CPNE2: variants seen among roughly 807,000 people sequenced by gnomAD.
The protein encoded by CPNE2 is copine-2.
CPNE2 carries 42 observed loss-of-function variants against 69.7 expected under a neutral mutation model. The ratio of observed to expected loss-of-function variants is 0.60; its 90% CI spans 0.47 to 0.78. The LOEUF (loss-of-function observed/expected upper bound fraction) is 0.78. Ranked by LOEUF, CPNE2 falls within the 30% of genes least tolerant of loss-of-function variation. The pLI, the probability that CPNE2 is intolerant of heterozygous loss-of-function variation, is 0.00. For synonymous variants in CPNE2, 294 were observed against 289.8 expected (o/e 1.01, Z -0.15); for missense variants, 587 against 732.0 (o/e 0.80, Z 2.29).
chr16:57,114,977 C>T (rs1157135689), intron 3 of CPNE2, among the ~76,000 whole-genome samples: 1 of 133,754 alleles, frequency 7.5e-6, no homozygotes, highest in Non-Finnish European at 1.5e-5. Context: ...CGTGGTGATG[C>T]ATGCCTGTAG....
At chr16:57,113,529 C>T in intron 3 of CPNE2, 62 bp downstream of exon 3, 1 of 1,524,746 alleles carries the variant, frequency 6.6e-7, no homozygotes, top group Non-Finnish European at 8.9e-7. Context: ...CTCAAAAAGT[C>T]TCTTCTCGTG....
intron 13 of CPNE2, among the ~76,000 whole-genome samples, chr16:57,135,274 G>A (rs1263708310): frequency 7.4e-6 from 1 of 134,284 alleles, no homozygotes; most frequent in Non-Finnish European, 1.6e-5. Flanking sequence ...GTACTTGGCG[G>A]GGGATCAGGG....
intron 1 of CPNE2, among the ~76,000 whole-genome samples, chr16:57,109,983 T>C (rs540811128): frequency 1.3e-5 from 2 of 152,320 alleles, no homozygotes; most frequent in South Asian, 4.1e-4. Context: ...GCCTGAGCAG[T>C]TGTCAGCTCC....
rs1167181707 is a variant in CPNE2, at chr16:57,113,477, G to A, written c.360+10G>A. 19 of 1,611,870 alleles carry A rather than the reference G, an allele frequency of 1.2e-5. No individual in the cohort carries two copies. The highest frequency in any genetic ancestry group is 1.6e-5 in the Non-Finnish European group (19 of 1,178,772). ...CTGCAGCCTGGGCACGGTGAGCTGG[G>A]CCCTCCTGGGTGGGAGCAGGGGCCC... On this transcript the variant is annotated intron_variant, in intron 3 of 15. Transcript: ENST00000290776.
chr16:57,123,535 C>T (rs2069778725), intron 10 of CPNE2, 62 bp downstream of exon 10: 2 of 1,547,776 alleles, frequency 1.3e-6, no homozygotes. Context: ...TCCCTGAAGA[C>T]TTGGGCCACT....
In CPNE2 at chr16:57,147,586, G is replaced by A. The variant is rs746617867; in HGVS notation, c.1575G>A (p.Ala525=). 72 of 1,609,014 alleles carry A rather than the reference G, an allele frequency of 4.5e-5. No homozygotes were observed. The highest frequency in any genetic ancestry group is 4.6e-5 in the Non-Finnish European group (54 of 1,176,570). ...AKETLAKAVL[A]ELPQQVVQYF... is the part of the protein sequence containing the mutation. ...AGACCTTGGCCAAAGCTGTGCTGGC[G>A]GAGCTGCCCCAACAAGTTGTGCAGT... The change falls in exon 16 of 16, where the codon GCG becomes GCA. Residue 525 remains alanine, a synonymous_variant. Transcript: ENST00000290776.
intron 9 of CPNE2, 89 bp from the exon 10 acceptor site, chr16:57,123,325 A>G (rs1477443317): frequency 8.2e-6 from 11 of 1,343,186 alleles, no homozygotes; most frequent in Non-Finnish European, 1.2e-5. Flanking sequence ...CCTTGTCCCT[A>G]CTGAGGTTGC....
At chr16:57,109,271 T>A (rs2069665501) in intron 1 of CPNE2, among the ~76,000 whole-genome samples, 1 of 151,936 alleles carries the variant, frequency 6.6e-6, no homozygotes. Context: ...AGGTCGGGAG[T>A]TTGAGACCAG....
rs149102054 is a variant in CPNE2 at position 57,116,580 on chromosome 16, C to T, written c.436-916C>T. 7.2e-5 allele frequency among the ~76,000 whole-genome samples: 11 copies of T among 152,340 alleles called. No individual in the cohort carries two copies. The East Asian group carries it at 2.1e-3, about 29-fold the overall frequency. On this transcript the variant is annotated intron_variant, in intron 4 of 15. Coordinates refer to ENST00000290776, the MANE Select transcript of CPNE2 (RefSeq NM_152727.6). ...ATGAATGAATGAATGAATGCCTTCA[C>T]AAGGCAGCTTCCACCTAGAAGCCAT...
At chr16:57,131,865 G>A (rs931897206) in intron 12 of CPNE2, among the ~76,000 whole-genome samples, 2 of 152,144 alleles carry the variant, frequency 1.3e-5, no homozygotes, top group South Asian at 2.1e-4. Flanking sequence ...TTCTGCCACC[G>A]ATTTTCACCT....
chr16:57,139,233 C>T (rs1260146650), intron 14 of CPNE2, among the ~76,000 whole-genome samples: 1 of 152,068 alleles, frequency 6.6e-6, no homozygotes, highest in Admixed American at 6.6e-5. Flanking sequence ...GTTTTTCTTG[C>T]TGTCTGAAGT....
At chr16:57,122,794 T>C (rs968403235) in intron 9 of CPNE2, among the ~76,000 whole-genome samples, 12 of 152,146 alleles carry the variant, frequency 7.9e-5, no homozygotes, top group African/African-American at 2.9e-4. Flanking sequence ...GGTTTCATTA[T>C]GTCGACCAGG....
intron 7 of CPNE2, among the ~76,000 whole-genome samples, chr16:57,120,264 C>A (rs2069751753): frequency 6.9e-6 from 1 of 144,136 alleles, no homozygotes. Context: ...GAGCAAGATT[C>A]TGTCTCAAAA....
Position 57,147,622 on chromosome 16 carries a change from T to C in CPNE2, c.1611T>C (p.His537=), listed in dbSNP as rs2069968778. 12 of 1,606,652 alleles carry C rather than the reference T, an allele frequency of 7.5e-6. No individual in the cohort carries two copies. The highest frequency in any genetic ancestry group is 9.4e-6 in the Non-Finnish European group (11 of 1,174,790). ...AACAAGTTGTGCAGTATTTCAAGCA[T>C]AAAAACCTGCCCCCCACCAACTCGG... The part of the protein sequence containing the change: ...LPQQVVQYFK[H]KNLPPTNSEP... The change falls in exon 16 of 16, where the codon CAT becomes CAC. Residue 537 remains histidine, a synonymous_variant. Transcript: ENST00000290776.
intron 3 of CPNE2, among the ~76,000 whole-genome samples, chr16:57,114,543 C>A (rs2069703702): frequency 6.6e-6 from 1 of 152,156 alleles, no homozygotes; most frequent in African/African-American, 2.4e-5. Context: ...TGGCACAGTC[C>A]CCAGGGCACA....
chr16:57,137,324 A>ACGT (rs1253737972), intron 14 of CPNE2, 42 bp downstream of exon 14: 1 of 1,610,130 alleles, frequency 6.2e-7, no homozygotes, highest in Non-Finnish European at 8.5e-7. Context: ...GGAAACACGC[A>ACGT]CGTCCTCTGG....
intron 14 of CPNE2, chr16:57,142,086 A>C (rs2069926442): frequency 6.6e-6 from 1 of 152,208 alleles, no homozygotes; most frequent in Admixed American, 6.5e-5. Flanking sequence ...CCATTCATTC[A>C]CTCAACACAT....
At position 57,121,672 on chromosome 16, in the gene CPNE2, A is replaced by T. The variant is rs774478335; in HGVS notation, c.781-2A>T. 30 of 1,613,970 alleles carry T rather than the reference A, an allele frequency of 1.9e-5. No individual in the cohort carries two copies. Among genetic ancestry groups the T allele is most frequent in the Non-Finnish European group, 2.5e-5 (30 of 1,179,984 alleles). Reference sequence around the variant, plus strand: ...AGTGTCTCTTTCTTTTGCGTTGCCCAGCTGGAGTTCGAGTGCATCAACCCC... The same window carrying T: ...AGTGTCTCTTTCTTTTGCGTTGCCCTGCTGGAGTTCGAGTGCATCAACCCC... On this transcript the variant is annotated splice_acceptor_variant, in intron 8 of 15. Transcript: ENST00000290776. LOFTEE classifies it high-confidence loss of function.
chr16:57,101,681 G>C (rs115724065), intron 1 of CPNE2, among the ~76,000 whole-genome samples: 508 of 152,338 alleles, frequency 3.3e-3, no homozygotes, highest in African/African-American at 0.012. Context: ...CTGTAGCCTC[G>C]TGTCTCAAAG....
Sources: gnomAD v4.1 joint callset for allele counts (sites outside exome capture counted in the v4.1 genomes callset) on GRCh38, gnomAD v4.1.1 for gene constraint, MANE v1.5 for transcripts, NCBI Gene and HGNC (gene_info 2026-07-23, HGNC 2026-07-21) for gene names.